SEMA3D: variants seen among roughly 807,000 people sequenced by gnomAD.
SEMA3D encodes the protein semaphorin 3D, also known as semaphorin-3D.
Under a neutral mutation model 100.1 loss-of-function variants are expected in SEMA3D, and 84 were observed. The ratio of observed to expected loss-of-function variants is 0.84; its 90% confidence interval spans 0.70 to 1.01. The LOEUF is 1.01. Ranked by LOEUF, SEMA3D falls within the 50% of genes least tolerant of loss-of-function variation. The pLI is 0.00. For synonymous variants in SEMA3D, 312 were observed against 320.7 expected (o/e 0.97, Z 0.29); for missense variants, 875 against 934.1 (o/e 0.94, Z 0.82).
At chr7:85,175,042 A>C (rs1791188854) in intron 1 of SEMA3D, among the ~76,000 whole-genome samples, 1 of 152,192 alleles carries the variant, frequency 6.6e-6, no homozygotes, top group African/African-American at 2.4e-5. Context: ...CGATTATTGA[A>C]TGTAATAAAG....
chr7:85,140,498 A>C (rs1443072357), intron 2 of SEMA3D: 1 of 983,846 alleles, frequency 1.0e-6, no homozygotes, highest in Non-Finnish European at 1.2e-6. Flanking sequence ...ATTAAAAAGA[A>C]AAATTGAGAC....
chr7:85,144,101 T>A (rs1790132218), intron 2 of SEMA3D, among the ~76,000 whole-genome samples: 1 of 152,142 alleles, frequency 6.6e-6, no homozygotes, highest in Non-Finnish European at 1.5e-5. Flanking sequence ...ATCCAATATA[T>A]AATCATTTTA....
the SEMA3D span, among the ~76,000 whole-genome samples, chr7:85,208,229 T>C: frequency 6.6e-6 from 1 of 152,008 alleles, no homozygotes; most frequent in African/African-American, 2.4e-5. Context: ...CAAAACAAAT[T>C]GAGACATTGC....
At chr7:85,210,042 C>G in the SEMA3D span, among the ~76,000 whole-genome samples, 1 of 152,092 alleles carries the variant, frequency 6.6e-6, no homozygotes, top group South Asian at 2.1e-4. Context: ...TCCTCATTTA[C>G]TGATGAATAA....
At chr7:85,126,023 A>C (rs1789557119) in intron 2 of SEMA3D, among the ~76,000 whole-genome samples, 1 of 152,074 alleles carries the variant, frequency 6.6e-6, no homozygotes, top group East Asian at 1.9e-4. Flanking sequence ...TGTGGAGCCA[A>C]TAGGGAGTTT....
chr7:85,001,580 A>G (rs1342294023), intron 18 of SEMA3D, among the ~76,000 whole-genome samples: 1 of 152,096 alleles, frequency 6.6e-6, no homozygotes, highest in Non-Finnish European at 1.5e-5. Context: ...AAAATTTAAT[A>G]CACTTTAGGT....
At chr7:85,018,826 A>G (rs1215160991) in intron 14 of SEMA3D, among the ~76,000 whole-genome samples, 2 of 151,740 alleles carry the variant, frequency 1.3e-5, no homozygotes, top group Non-Finnish European at 3.0e-5. Flanking sequence ...TTGTTTGTAA[A>G]AAAATATGGC....
the SEMA3D span, among the ~76,000 whole-genome samples, chr7:85,203,235 T>C: frequency 6.6e-6 from 1 of 152,200 alleles, no homozygotes; most frequent in Non-Finnish European, 1.5e-5. Flanking sequence ...CAAGTTAGCA[T>C]CTTGTGTGTT....
At chr7:85,161,532 T>C (rs1263027832) in intron 1 of SEMA3D, among the ~76,000 whole-genome samples, 1 of 152,066 alleles carries the variant, frequency 6.6e-6, no homozygotes, top group Non-Finnish European at 1.5e-5. Context: ...AAGACAGGGC[T>C]GGAACTGAGG....
rs116147450 is a variant in SEMA3D at position 85,139,498 on chromosome 7, C to T, written c.-41+14110G>A. ...GTTAAGATTTATAGCATCCTGAAAT[C>T]CATGTAATAATATTTCTGTCTTTTT... On this transcript the variant is annotated intron_variant, in intron 2 of 18. Coordinates refer to ENST00000284136, the MANE Select transcript of SEMA3D (RefSeq NM_001384900.1). Among the ~76,000 whole-genome samples, 1,007 of 152,066 alleles carry T rather than the reference C, an allele frequency of 6.6e-3. 6 individuals are homozygous for T. The highest frequency in any genetic ancestry group is 0.023 in the African/African-American group (944 of 41,532).
chr7:85,038,616 T>C (rs1790768983), intron 11 of SEMA3D, among the ~76,000 whole-genome samples: 1 of 152,170 alleles, frequency 6.6e-6, no homozygotes, highest in African/African-American at 2.4e-5. Flanking sequence ...CGAACTATCT[T>C]GGGGCTATAT....
chr7:85,069,036 T>A (rs905070077), intron 6 of SEMA3D, among the ~76,000 whole-genome samples: 3 of 152,120 alleles, frequency 2.0e-5, no homozygotes, highest in Non-Finnish European at 4.4e-5. Flanking sequence ...TATGGCCCCA[T>A]GAGATTGAGT....
chr7:85,227,342 G>C, the SEMA3D span, among the ~76,000 whole-genome samples: 1 of 152,082 alleles, frequency 6.6e-6, no homozygotes, highest in African/African-American at 2.4e-5. Context: ...GGGAACATTG[G>C]GAGGTTATTG....
intron 7 of SEMA3D, among the ~76,000 whole-genome samples, chr7:85,067,915 T>C (rs1053303432): frequency 1.3e-5 from 2 of 152,078 alleles, no homozygotes; most frequent in Non-Finnish European, 2.9e-5. Context: ...AAATATAAAA[T>C]TATAAAACAA....
intron 3 of SEMA3D, among the ~76,000 whole-genome samples, chr7:85,111,020 A>T (rs1361964699): frequency 6.6e-6 from 1 of 152,004 alleles, no homozygotes; most frequent in Non-Finnish European, 1.5e-5. Flanking sequence ...ACCACTGATT[A>T]TCTCTTTCCT....
chr7:85,173,359 G>T (rs887484783), intron 1 of SEMA3D, among the ~76,000 whole-genome samples: 1 of 152,008 alleles, frequency 6.6e-6, no homozygotes, highest in Non-Finnish European at 1.5e-5. Context: ...CTCTTCTGTG[G>T]CAACTAGTAT....
intron 1 of SEMA3D, among the ~76,000 whole-genome samples, chr7:85,175,152 T>A (rs1791192001): frequency 6.6e-6 from 1 of 152,204 alleles, no homozygotes; most frequent in Admixed American, 6.5e-5. Context: ...CGATTGTGAT[T>A]TTTAATAACT....
intron 3 of SEMA3D, among the ~76,000 whole-genome samples, chr7:85,118,117 G>A (rs563128430): frequency 1.6e-4 from 24 of 151,996 alleles, no homozygotes; most frequent in African/African-American, 5.3e-4. Context: ...ACTGAATGTT[G>A]TTCTGCTATC....
rs1789920815 is a variant in SEMA3D, at chr7:85,010,480, G to A, written c.1768+2302C>T. 2.6e-5 allele frequency among the ~76,000 whole-genome samples: 4 copies of A among 151,804 alleles called. No homozygotes were observed. In the South Asian group the frequency reaches 8.3e-4, roughly 31 times the overall value. On this transcript the variant is annotated intron_variant, in intron 17 of 18. Coordinates refer to ENST00000284136, the MANE Select transcript of SEMA3D (RefSeq NM_001384900.1). ...AGACCAGTGAAGTAGCTACTGAAGA[G>A]CTACTGTGGCCTCAGTTAGGCTGGC...
Sources: allele counts gnomAD v4.1 joint callset (sites outside exome capture counted in the v4.1 genomes callset), GRCh38; gene constraint gnomAD v4.1.1; transcripts MANE v1.5; gene names NCBI Gene and HGNC (gene_info 2026-07-23, HGNC 2026-07-21).